The following SSBP2 variants were observed in gnomAD, a reference collection of about 807,000 sequenced individuals.
SSBP2 encodes the protein single stranded DNA binding protein 2.
SSBP2 carries 17 observed loss-of-function variants against 61.8 expected under a neutral mutation model. That is an observed-to-expected ratio of 0.28 (90% CI 0.19 to 0.41). The LOEUF is 0.41. SSBP2 is among the 10% of genes least tolerant of loss of function. SSBP2 has a pLI of 1.00. For missense variants in SSBP2, 310 were observed against 458.7 expected (o/e 0.68, Z 2.96); for synonymous variants, 139 against 141.3 (o/e 0.98, Z 0.12).
At chr5:81,563,822 A>G (rs776476812) in intron 4 of SSBP2, among the ~76,000 whole-genome samples, 19 of 152,208 alleles carry the variant, frequency 1.2e-4, no homozygotes, top group Non-Finnish European at 2.8e-4. Context: ...GCTTCGTGAC[A>G]TTGGTTAGCA....
At chr5:81,567,444 G>T (rs1274066952) in intron 4 of SSBP2, among the ~76,000 whole-genome samples, 1 of 152,228 alleles carries the variant, frequency 6.6e-6, no homozygotes, top group African/African-American at 2.4e-5. Context: ...CCTCTGCCTA[G>T]ATTTCAGAAG....
At chr5:81,486,423 T>C (rs1465761402) in intron 6 of SSBP2, among the ~76,000 whole-genome samples, 1 of 152,118 alleles carries the variant, frequency 6.6e-6, no homozygotes, top group Admixed American at 6.6e-5. Flanking sequence ...TTGAATACAA[T>C]TCCAATAATT....
At chr5:81,429,545 C>A (rs1245733611) in intron 15 of SSBP2, among the ~76,000 whole-genome samples, 1 of 151,956 alleles carries the variant, frequency 6.6e-6, no homozygotes, top group Non-Finnish European at 1.5e-5. Flanking sequence ...AACTGTAATT[C>A]TTTGAAGGTC....
chr5:81,423,277 T>C (rs532599545), intron 16 of SSBP2, among the ~76,000 whole-genome samples: 1 of 152,344 alleles, frequency 6.6e-6, no homozygotes, highest in African/African-American at 2.4e-5. Flanking sequence ...GAAATGTAGC[T>C]AGTACAATTT....
chr5:81,454,196 G>C (rs945562158), intron 10 of SSBP2, among the ~76,000 whole-genome samples: 2 of 152,074 alleles, frequency 1.3e-5, no homozygotes, highest in African/African-American at 4.8e-5. Context: ...AGGGTTGAGA[G>C]AAGTTTTGTA....
chr5:81,483,180 T>C (rs1414393386), intron 6 of SSBP2, among the ~76,000 whole-genome samples: 1 of 152,128 alleles, frequency 6.6e-6, no homozygotes, highest in African/African-American at 2.4e-5. Context: ...AGAGATATAA[T>C]GAAAAAATTT....
chr5:81,468,563 C>G (rs1474862342), intron 8 of SSBP2, among the ~76,000 whole-genome samples: 2 of 151,896 alleles, frequency 1.3e-5, no homozygotes, highest in African/African-American at 4.8e-5. Flanking sequence ...CATCTTTATT[C>G]CCTACTCCCA....
At chr5:81,427,291 C>T (rs771343139) in intron 16 of SSBP2, among the ~76,000 whole-genome samples, 2 of 152,114 alleles carry the variant, frequency 1.3e-5, no homozygotes, top group East Asian at 3.9e-4. Context: ...TGTAGCTTCT[C>T]ATGTTTTTCC....
chr5:81,709,687 G>GT (rs1216913875), intron 1 of SSBP2, among the ~76,000 whole-genome samples: 1 of 151,706 alleles, frequency 6.6e-6, no homozygotes, highest in East Asian at 1.9e-4. Context: ...AACTTGAGAT[G>GT]TTTTCCCTTT....
At chr5:81,590,697 T>C (rs1775433129) in intron 4 of SSBP2, among the ~76,000 whole-genome samples, 1 of 152,092 alleles carries the variant, frequency 6.6e-6, no homozygotes, top group African/African-American at 2.4e-5. Flanking sequence ...AGATGACAAA[T>C]AGCTACTTTG....
intron 4 of SSBP2, among the ~76,000 whole-genome samples, chr5:81,609,462 A>G (rs971150534): frequency 6.6e-6 from 1 of 152,220 alleles, no homozygotes; most frequent in Non-Finnish European, 1.5e-5. Flanking sequence ...CTTGATGTAC[A>G]CAGCTCGTAT....
chr5:81,617,812 A>C (rs1364521130), intron 3 of SSBP2, among the ~76,000 whole-genome samples: 2 of 105,828 alleles, frequency 1.9e-5, no homozygotes, highest in African/African-American at 7.2e-5. Context: ...ATTCTTAAAG[A>C]AAAGAATTTT....
At chr5:81,664,289 AT>A (rs888874649) in intron 1 of SSBP2, among the ~76,000 whole-genome samples, 147 of 143,632 alleles carry the variant, frequency 1.0e-3, no homozygotes, top group Admixed American at 1.1e-3. Context: ...TGCCCGGCTA[AT>A]TTTTTTTTTT....
intron 1 of SSBP2, among the ~76,000 whole-genome samples, chr5:81,675,452 G>A (rs1751891340): frequency 6.6e-6 from 1 of 151,996 alleles, no homozygotes; most frequent in Non-Finnish European, 1.5e-5. Flanking sequence ...CTCCATCTTG[G>A]GCTACAAGAA....
At chr5:81,711,584 C>A (rs1268431333) in intron 1 of SSBP2, among the ~76,000 whole-genome samples, 1 of 151,782 alleles carries the variant, frequency 6.6e-6, no homozygotes, top group African/African-American at 2.4e-5. Flanking sequence ...TCTAAGGTAA[C>A]AACTTATCTT....
intron 3 of SSBP2, among the ~76,000 whole-genome samples, chr5:81,630,869 G>A (rs1747640759): frequency 6.6e-6 from 1 of 151,298 alleles, no homozygotes; most frequent in African/African-American, 2.4e-5. Context: ...ATGTAAAAGA[G>A]AAAGAGGTGT....
At position 81,712,518 on chromosome 5, in the gene SSBP2, G is replaced by A. The variant is rs1475690490; in HGVS notation, c.62+38463C>T. On this transcript the variant is annotated intron_variant, in intron 1 of 16. Transcript: ENST00000320672. The stretch of plus-strand genomic sequence containing the variant: ...CGGGAGGCTGAGGCAGGAGAATGGC[G>A]TGAACCCGGGAAGCGGAGCTTGCAG... Among the ~76,000 whole-genome samples, 13 of 18,710 alleles carry A rather than the reference G, an allele frequency of 6.9e-4. 6 individuals are homozygous for A. Among genetic ancestry groups the A allele is most frequent in the Non-Finnish European group, 1.0e-3 (10 of 9,892 alleles). The allele number at this position is 18,710 out of a possible 152,430, so 12.3% of individuals were successfully genotyped here. A position where few individuals can be genotyped will look rare whatever the true frequency, so the allele number is the denominator to read the frequency against.
At chr5:81,492,461 G>A (rs1370405171) in intron 5 of SSBP2, among the ~76,000 whole-genome samples, 1 of 152,124 alleles carries the variant, frequency 6.6e-6, no homozygotes, top group East Asian at 1.9e-4. Flanking sequence ...CGGAGATCAC[G>A]CCACTGCACT....
At chr5:81,574,943 G>A (rs1774093042) in intron 4 of SSBP2, among the ~76,000 whole-genome samples, 1 of 152,168 alleles carries the variant, frequency 6.6e-6, no homozygotes. Flanking sequence ...GCTAACTGAA[G>A]TGTACTCTTC....
Sources: allele counts gnomAD v4.1 joint callset (sites outside exome capture counted in the v4.1 genomes callset), GRCh38; gene constraint gnomAD v4.1.1; transcripts MANE v1.5; gene names NCBI Gene and HGNC (gene_info 2026-07-23, HGNC 2026-07-21).